TTC27: variants seen among roughly 807,000 people sequenced by gnomAD.
TTC27 encodes tetratricopeptide repeat protein 27.
In TTC27, 79 loss-of-function variants were observed where a neutral mutation model predicts 115.9. The ratio of observed to expected loss-of-function variants is 0.68; its 90% confidence interval spans 0.57 to 0.82. The LOEUF (loss-of-function observed/expected upper bound fraction) is 0.82. TTC27 is among the 40% of genes least tolerant of loss of function. The pLI, the probability that TTC27 is intolerant of heterozygous loss-of-function variation, is 0.00. For synonymous variants in TTC27, 401 were observed against 356.0 expected (o/e 1.13, Z -1.42); for missense variants, 1,054 against 993.1 (o/e 1.06, Z -0.82).
At chr2:32,686,068 T>G (rs549684304) in intron 9 of TTC27, among the ~76,000 whole-genome samples, 1 of 152,324 alleles carries the variant, frequency 6.6e-6, no homozygotes, top group Non-Finnish European at 1.5e-5. Flanking sequence ...GGGAAAAGAA[T>G]TTTAAAATCA....
intron 13 of TTC27, among the ~76,000 whole-genome samples, chr2:32,768,282 A>G (rs1402743339): frequency 6.6e-6 from 1 of 152,200 alleles, no homozygotes; most frequent in East Asian, 1.9e-4. Flanking sequence ...ATAATTTTTG[A>G]ATAGAATCAT....
chr2:32,677,663 A>G (rs1187180751), intron 8 of TTC27, among the ~76,000 whole-genome samples: 1 of 151,766 alleles, frequency 6.6e-6, no homozygotes, highest in Non-Finnish European at 1.5e-5. Context: ...GTTGGCCAGG[A>G]TGGTCTCGAT....
intron 9 of TTC27, among the ~76,000 whole-genome samples, chr2:32,680,195 T>C (rs747071009): frequency 1.3e-5 from 2 of 152,186 alleles, no homozygotes; most frequent in Non-Finnish European, 2.9e-5. Flanking sequence ...GTGTTTTAGG[T>C]AACTGTGGAA....
chr2:32,664,467 G>A lies in TTC27; in HGVS notation c.805G>A (p.Gly269Ser). The change falls in exon 6 of 20, where the codon GGT (glycine) becomes AGT (serine). Residue 269 changes from glycine to serine, a missense_variant and splice_region_variant. Physicochemically the swap from Gly to Ser is moderately conservative, Grantham distance 56 (BLOSUM62 0). Transcript: ENST00000317907. ...DISQLQIDLT[G>S]ALGKRTRFQE... is the part of the protein sequence containing the mutation. ...CAGCCAATTACAAATTGATTTGACA[G>A]GTAAGACTTATTTTTTGTGGATAAT... The A allele has an allele frequency of 6.3e-7, 1 of 1,595,070 alleles. No homozygotes were observed. The highest frequency in any genetic ancestry group is 8.5e-7 in the Non-Finnish European group (1 of 1,175,572).
chr2:32,691,444 A>G (rs891649091), intron 9 of TTC27, among the ~76,000 whole-genome samples: 5 of 151,734 alleles, frequency 3.3e-5, no homozygotes, highest in Non-Finnish European at 7.4e-5. Context: ...GATTACAGGC[A>G]CACGCCACTG....
At chr2:32,694,286 T>A (rs563464983) in intron 9 of TTC27, among the ~76,000 whole-genome samples, 5 of 152,350 alleles carry the variant, frequency 3.3e-5, no homozygotes, top group Admixed American at 3.3e-4. Flanking sequence ...ATTAAAGTGT[T>A]TACTATAATT....
chr2:32,817,491 C>T lies in TTC27; in HGVS notation c.2343C>T (p.Ser781=), dbSNP rs757158920. Residue 781 remains serine, a synonymous_variant, in exon 19 of 20, where the codon TCC becomes TCT. Coordinates refer to ENST00000317907, the MANE Select transcript of TTC27 (RefSeq NM_017735.5). ...AATGCAGTAAAAACAAATCCAGTTC[C>T]CAAGAAGCTGTACAAATGCTTTCTT... ...AIKCSKNKSS[S]QEAVQMLSSV... is the part of the protein sequence containing the mutation. 8.7e-6 allele frequency: 14 copies of T among 1,614,024 alleles called. No individual in the cohort carries two copies. In the South Asian group the frequency reaches 1.4e-4, roughly 16 times the overall value.
intron 16 of TTC27, among the ~76,000 whole-genome samples, chr2:32,791,744 A>G (rs1040990093): frequency 1.3e-5 from 2 of 152,072 alleles, no homozygotes; most frequent in Admixed American, 1.3e-4. Context: ...GCATGGTGGG[A>G]TGTGCCTACA....
chr2:32,787,272 G>C, intron 16 of TTC27, 123 bp downstream of exon 16: 2 of 1,085,902 alleles, frequency 1.8e-6, no homozygotes, highest in Middle Eastern at 4.6e-4. Context: ...CATATGAAAA[G>C]GGTATTTTTT....
intron 5 of TTC27, among the ~76,000 whole-genome samples, chr2:32,652,216 C>T (rs562760146): frequency 2.6e-5 from 4 of 152,070 alleles, no homozygotes; most frequent in Admixed American, 1.3e-4. Context: ...TACTAAAATA[C>T]AAAAATTAGC....
chr2:32,781,573 A>C (rs1670179928), intron 14 of TTC27, among the ~76,000 whole-genome samples: 2 of 152,150 alleles, frequency 1.3e-5, no homozygotes, highest in Admixed American at 1.3e-4. Context: ...AAGCTTGTTA[A>C]AGTGGGTCTG....
chr2:32,632,572 A>T (rs1017168463), intron 2 of TTC27, among the ~76,000 whole-genome samples: 3 of 152,044 alleles, frequency 2.0e-5, no homozygotes, highest in African/African-American at 7.2e-5. Flanking sequence ...CAAACTTCTG[A>T]TTGCATACCA....
At chr2:32,772,274 G>T (rs1156756928) in intron 13 of TTC27, among the ~76,000 whole-genome samples, 1 of 152,060 alleles carries the variant, frequency 6.6e-6, no homozygotes, top group Non-Finnish European at 1.5e-5. Context: ...CCATTGTGTG[G>T]CTTTAAGCCA....
At chr2:32,780,971 G>A (rs1670156373) in intron 14 of TTC27, among the ~76,000 whole-genome samples, 1 of 151,790 alleles carries the variant, frequency 6.6e-6, no homozygotes, top group Non-Finnish European at 1.5e-5. Flanking sequence ...GTCTTTGAAT[G>A]TCTGAAGAAC....
chr2:32,681,557 T>C lies in TTC27; in HGVS notation c.1119+2635T>C, dbSNP rs1354578084. Among the ~76,000 whole-genome samples the C allele has an allele frequency of 2.0e-5, 3 of 152,254 alleles. No homozygotes were observed. The East Asian group carries it at 5.8e-4, about 29-fold the overall frequency. ...TGAATTTGCAATGGTGTGCAAATGATATTCAAGTAGAAACCATACTTTGAA... is the reference window on the plus strand; with the variant it reads ...TGAATTTGCAATGGTGTGCAAATGACATTCAAGTAGAAACCATACTTTGAA... On this transcript the variant is annotated intron_variant, in intron 9 of 19. Coordinates refer to ENST00000317907, the MANE Select transcript of TTC27 (RefSeq NM_017735.5).
At chr2:32,729,282 T>G (rs1425569438) in intron 10 of TTC27, among the ~76,000 whole-genome samples, 1 of 152,242 alleles carries the variant, frequency 6.6e-6, no homozygotes, top group African/African-American at 2.4e-5. Flanking sequence ...AGAATTGTCC[T>G]TTTTTACTAA....
chr2:32,793,519 A>G (rs1013828916), intron 16 of TTC27, among the ~76,000 whole-genome samples: 1 of 152,094 alleles, frequency 6.6e-6, no homozygotes, highest in African/African-American at 2.4e-5. Context: ...TATTGTAACA[A>G]TGTTTGTTGT....
In TTC27 at chr2:32,721,622, T is replaced by C. The variant is rs187584523; in HGVS notation, c.1234-12206T>C. ...TTCACTTTTCTTTCTCTCTCTCTCTTTTTTTTTTTTTTTTTCTTTTAGAGG... is the reference window on the plus strand; with the variant it reads ...TTCACTTTTCTTTCTCTCTCTCTCTCTTTTTTTTTTTTTTTCTTTTAGAGG... On this transcript the variant is annotated intron_variant, in intron 10 of 19. Coordinates refer to ENST00000317907, the MANE Select transcript of TTC27 (RefSeq NM_017735.5). Among the ~76,000 whole-genome samples the C allele has an allele frequency of 4.5e-3, 659 of 145,888 alleles. 6 individuals carry two copies. The highest frequency in any genetic ancestry group is 0.015 in the African/African-American group (597 of 39,288).
At chr2:32,665,149 C>A (rs1665725291) in intron 6 of TTC27, among the ~76,000 whole-genome samples, 1 of 151,988 alleles carries the variant, frequency 6.6e-6, no homozygotes. Context: ...GCCCAGCCCA[C>A]ATTCTGTGCT....
Sources: allele counts gnomAD v4.1 joint callset (sites outside exome capture counted in the v4.1 genomes callset), GRCh38; gene constraint gnomAD v4.1.1; transcripts MANE v1.5; gene names NCBI Gene and HGNC (gene_info 2026-07-23, HGNC 2026-07-21).